The following CACNA2D4 variants were observed in gnomAD, a reference collection of about 807,000 sequenced individuals.
CACNA2D4 encodes the protein voltage-dependent calcium channel subunit alpha-2/delta-4.
Under a neutral mutation model 163.8 loss-of-function variants are expected in CACNA2D4, and 157 were observed. The observed-to-expected ratio is 0.96, with a 90% CI of 0.84 to 1.09. The LOEUF is 1.09. Ranked by LOEUF, CACNA2D4 falls within the 50% of genes least tolerant of loss-of-function variation. CACNA2D4 has a pLI of 0.00. For synonymous variants in CACNA2D4, 598 were observed against 586.9 expected, an observed-to-expected ratio of 1.02 and a Z score of -0.27; for missense variants, 1,410 against 1,479.9, an observed-to-expected ratio of 0.95 and a Z score of 0.78.
chr12:1,885,238 G>A (rs191884296), intron 9 of CACNA2D4, among the ~76,000 whole-genome samples, 162 bp from the exon 10 acceptor site: 237 of 152,292 alleles, frequency 1.6e-3, no homozygotes, highest in Non-Finnish European at 2.6e-3. Flanking sequence ...CTCTACAATA[G>A]GTGTTTCTCA....
In CACNA2D4 at chr12:1,918,309, C is replaced by T. The variant is rs1284328591; in HGVS notation, c.165G>A (p.Trp55Ter). The change falls in exon 1 of 38, where the codon TGG (tryptophan) becomes TGA (stop). Residue 55 changes from tryptophan to a stop codon, truncating the protein, a stop_gained. Transcript: ENST00000382722. LOFTEE classifies it high-confidence loss of function. Reference protein sequence around the residue: ...AFVQKTSALLWLLLLGTSLSP... With the variant: ...AFVQKTSALL ...ACAGGGAGGTGCCTAGAAGCAGCAG[C>T]CACAGGAGGGCCGAGGTCTTCTGCA... The T allele has an allele frequency of 1.2e-6, 2 of 1,610,470 alleles. No homozygotes were observed. Among genetic ancestry groups the T allele is most frequent in the Non-Finnish European group, 1.7e-6 (2 of 1,178,330 alleles).
intron 26 of CACNA2D4, among the ~76,000 whole-genome samples, chr12:1,830,076 G>A (rs760009744): frequency 2.6e-5 from 4 of 152,232 alleles, no homozygotes; most frequent in South Asian, 2.1e-4. Context: ...ACCAGGAAAC[G>A]AATTCTATTC....
At chr12:1,900,558 T>A (rs898168041) in intron 6 of CACNA2D4, among the ~76,000 whole-genome samples, 3 of 152,234 alleles carry the variant, frequency 2.0e-5, no homozygotes, top group African/African-American at 7.2e-5. Context: ...AATTTTCTTT[T>A]CAAAGTTGAA....
In CACNA2D4 at chr12:1,915,441, G is replaced by A. The variant is rs1866949017; in HGVS notation, c.228-506C>T. Among the ~76,000 whole-genome samples the A allele has an allele frequency of 2.0e-5, 3 of 152,194 alleles. No individual in the cohort carries two copies. In the South Asian group the frequency reaches 6.2e-4, roughly 31 times the overall value. On this transcript the variant is annotated intron_variant, in intron 1 of 37. Coordinates refer to ENST00000382722, the MANE Select transcript of CACNA2D4 (RefSeq NM_172364.5). ...AGGCAGTGGACAGCCTCAGGCCAGGGCCGGAGGACCCTGAGGACAAAGGAC... is the reference window on the plus strand; with the variant it reads ...AGGCAGTGGACAGCCTCAGGCCAGGACCGGAGGACCCTGAGGACAAAGGAC...
Position 1,856,101 on chromosome 12 carries a change from C to T in CACNA2D4, c.2063G>A (p.Cys688Tyr), listed in dbSNP as rs1167094107. The change falls in exon 22 of 38, where the codon TGC becomes TAC. Residue 688 changes from cysteine (C) to tyrosine (Y), a missense_variant. Cys to Tyr is a radical substitution (Grantham distance 194). Coordinates refer to ENST00000382722, the MANE Select transcript of CACNA2D4 (RefSeq NM_172364.5). ...DLALAGDWIYCITDIDPDHRK... is the reference protein window; with the variant it reads ...DLALAGDWIYYITDIDPDHRK... The stretch of plus-strand genomic sequence containing the variant: ...GTGGTCTGGGTCAATATCTGTGATG[C>T]AGTAGATCCTGAAACCCAGGAAAGT... 5 of 1,613,984 alleles carry T rather than the reference C, an allele frequency of 3.1e-6. No homozygotes were observed. The South Asian group carries it at 5.5e-5, about 18-fold the overall frequency.
At chr12:1,912,050 C>T (rs996673353) in intron 3 of CACNA2D4, among the ~76,000 whole-genome samples, 1 of 152,180 alleles carries the variant, frequency 6.6e-6, no homozygotes, top group Non-Finnish European at 1.5e-5. Context: ...CCCCAGCAAC[C>T]CTGACCCCGG....
chr12:1,819,159 G>T (rs906104024), intron 26 of CACNA2D4, among the ~76,000 whole-genome samples: 3 of 152,178 alleles, frequency 2.0e-5, no homozygotes, highest in Non-Finnish European at 4.4e-5. Flanking sequence ...GTTTAAGGAA[G>T]GGGGAAGCCA....
chr12:1,902,074 A>G (rs1443637917), intron 6 of CACNA2D4, among the ~76,000 whole-genome samples: 1 of 152,170 alleles, frequency 6.6e-6, no homozygotes, highest in Non-Finnish European at 1.5e-5. Context: ...AAATCAGTCA[A>G]TATAATACAT....
At chr12:1,814,509 G>T (rs187204088) in intron 26 of CACNA2D4, among the ~76,000 whole-genome samples, 1 of 152,240 alleles carries the variant, frequency 6.6e-6, no homozygotes, top group Non-Finnish European at 1.5e-5. Flanking sequence ...GTCCCCACTC[G>T]ACCCAAGAAG....
rs760834685 is a variant in CACNA2D4, at chr12:1,834,525, G to A, written c.2551+6214C>T. ...AGGCACCGGCCGGCGAGCGTGAGGC[G>A]AGCCATGGGCACGGTGATCATTGCA... On this transcript the variant is annotated intron_variant, in intron 26 of 37. Coordinates refer to ENST00000382722, the MANE Select transcript of CACNA2D4 (RefSeq NM_172364.5). This position sits in a 1 kb window ranked among gnomAD's most constrained non-coding sequence, Gnocchi z 7.6. 1 of 1,605,700 alleles carries A rather than the reference G, an allele frequency of 6.2e-7. No individual in the cohort carries two copies. Among genetic ancestry groups the A allele is most frequent in the East Asian group, 2.2e-5 (1 of 44,868 alleles).
chr12:1,865,749 C>T lies in CACNA2D4; in HGVS notation c.1879-5543G>A, dbSNP rs1386286212. ...GGAGCCGGTGTGTGGGGAACCGGGGCGCGGGGAGGCGGTTGCGGGGCGCTG... is the reference window on the plus strand; with the variant it reads ...GGAGCCGGTGTGTGGGGAACCGGGGTGCGGGGAGGCGGTTGCGGGGCGCTG... On this transcript the variant is annotated intron_variant, in intron 18 of 37. Coordinates refer to ENST00000382722, the MANE Select transcript of CACNA2D4 (RefSeq NM_172364.5). 3.9e-5 allele frequency among the ~76,000 whole-genome samples: 6 copies of T among 152,108 alleles called. 1 individual carries two copies. Among genetic ancestry groups the T allele is most frequent in the Non-Finnish European group, 1.5e-5 (1 of 67,994 alleles).
At chr12:1,800,645 C>T in intron 31 of CACNA2D4, 1 of 608,810 alleles carries the variant, frequency 1.6e-6, no homozygotes, top group Non-Finnish European at 2.9e-6. Flanking sequence ...CTGGGAAATG[C>T]CTATTGCAGG....
In CACNA2D4 at chr12:1,884,754, C is replaced by A; in HGVS notation, c.1272+14G>T. The A allele has an allele frequency of 6.3e-7, 1 of 1,582,526 alleles. No individual in the cohort carries two copies. Among genetic ancestry groups the A allele is most frequent in the East Asian group, 2.2e-5 (1 of 44,624 alleles). On this transcript the variant is annotated intron_variant, in intron 11 of 37. Transcript: ENST00000382722. ...AGAAGCTTTTTTCTCCCTGGACACC[C>A]GTGGGAGGGTCACCTTACAGTCTGG... is the stretch of plus-strand genomic sequence containing the variant.
chr12:1,812,903 T>C lies in CACNA2D4; in HGVS notation c.2552-1180A>G, dbSNP rs4542472. ...CTTCTTAACCATTACGCTGTGTCCG[T>C]CACAGTCATTCTCACTTCTCGAGTA... is the stretch of plus-strand genomic sequence containing the variant. On this transcript the variant is annotated intron_variant, in intron 26 of 37. Coordinates refer to ENST00000382722, the MANE Select transcript of CACNA2D4 (RefSeq NM_172364.5). Among the ~76,000 whole-genome samples the C allele has an allele frequency of 6.9e-3, 1,053 of 152,302 alleles. 11 individuals are homozygous for C. Among genetic ancestry groups the C allele is most frequent in the African/African-American group, 0.024 (994 of 41,544 alleles).
chr12:1,879,950 A>T, intron 13 of CACNA2D4, 69 bp from the exon 14 acceptor site: 6 of 1,060,560 alleles, frequency 5.7e-6, no homozygotes, highest in Non-Finnish European at 8.4e-6. Context: ...CACTCGGAGC[A>T]CCCAGTGCGG....
intron 9 of CACNA2D4, 83 bp from the exon 10 acceptor site, chr12:1,885,159 T>C (rs2154449768): frequency 7.3e-6 from 8 of 1,092,240 alleles, no homozygotes; most frequent in African/African-American, 1.5e-5. Context: ...TTTGGGAGGC[T>C]GTTTAGGGCC....
chr12:1,854,258 G>A (rs1343236764), intron 22 of CACNA2D4, among the ~76,000 whole-genome samples: 1 of 152,168 alleles, frequency 6.6e-6, no homozygotes, highest in African/African-American at 2.4e-5. Flanking sequence ...CTTGATATCT[G>A]AGGCTCTTTC....
At chr12:1,898,607 A>G (rs967846835) in intron 6 of CACNA2D4, among the ~76,000 whole-genome samples, 1 of 152,190 alleles carries the variant, frequency 6.6e-6, no homozygotes, top group Non-Finnish European at 1.5e-5. Context: ...AGAAAATAAC[A>G]AGCTGGCAAG....
In CACNA2D4 at chr12:1,846,577, T is replaced by C; in HGVS notation, c.2342+17A>G. 3.2e-6 allele frequency: 5 copies of C among 1,572,134 alleles called. No homozygotes were observed. The highest frequency in any genetic ancestry group is 3.4e-6 in the Non-Finnish European group (4 of 1,163,524). On this transcript the variant is annotated intron_variant, in intron 24 of 37. Transcript: ENST00000382722. ...CCCTGCAGGGATTGCCCTCCCGAGG[T>C]GGCCGGCCCAACCCACCTGTCGGAG...
Sources: allele counts gnomAD v4.1 joint callset (sites outside exome capture counted in the v4.1 genomes callset), GRCh38; gene constraint gnomAD v4.1.1; non-coding constraint Gnocchi (gnomAD v3.1); transcripts MANE v1.5; gene names NCBI Gene and HGNC (gene_info 2026-07-23, HGNC 2026-07-21).